MGA: variants seen among roughly 807,000 people sequenced by gnomAD.
The protein encoded by MGA is MAX gene-associated protein.
Under a neutral mutation model 261.1 loss-of-function variants are expected in MGA, and 40 were observed. The ratio of observed to expected loss-of-function variants is 0.15; its 90% CI spans 0.12 to 0.20. The LOEUF is 0.20. Ranked by LOEUF, MGA falls within the 10% of genes least tolerant of loss-of-function variation. The pLI is 1.00. For missense variants in MGA, 3,397 were observed against 3,630.5 expected (o/e 0.94, Z 1.65); for synonymous variants, 1,302 against 1,290.6 (o/e 1.01, Z -0.19).
intron 5 of MGA, among the ~76,000 whole-genome samples, chr15:41,705,311 G>A (rs2060050262): frequency 6.6e-6 from 1 of 151,358 alleles, no homozygotes; most frequent in Non-Finnish European, 1.5e-5. Flanking sequence ...TTTACCCTAT[G>A]CTACCTACTG....
chr15:41,671,717 G>A (rs1168988843), intron 2 of MGA, among the ~76,000 whole-genome samples: 2 of 152,092 alleles, frequency 1.3e-5, no homozygotes, highest in African/African-American at 4.8e-5. Flanking sequence ...TCCTTTTCTT[G>A]CTAAAATTGT....
intron 5 of MGA, among the ~76,000 whole-genome samples, chr15:41,701,450 A>G (rs2059848368): frequency 6.6e-6 from 1 of 152,162 alleles, no homozygotes; most frequent in African/African-American, 2.4e-5. Flanking sequence ...TTTTATAGAC[A>G]TCTTAGTCAA....
At chr15:41,629,347 G>A (rs1286436469) in intron 1 of MGA, among the ~76,000 whole-genome samples, 1 of 152,122 alleles carries the variant, frequency 6.6e-6, no homozygotes, top group South Asian at 2.1e-4. Context: ...TGGGAAACAG[G>A]AAGGAGCTAG....
At chr15:41,763,117 T>TTTTTG (rs1262376109) in intron 22 of MGA, among the ~76,000 whole-genome samples, 1 of 115,768 alleles carries the variant, frequency 8.6e-6, no homozygotes, top group Non-Finnish European at 1.9e-5. Context: ...TTTTTTTTTT[T>TTTTTG]GAGACAGAGT....
At chr15:41,686,794 GA>G (rs995678405) in intron 2 of MGA, among the ~76,000 whole-genome samples, 1 of 152,096 alleles carries the variant, frequency 6.6e-6, no homozygotes, top group Non-Finnish European at 1.5e-5. Context: ...ATTTAGAGGG[GA>G]GGGGTGATCT....
chr15:41,742,455 A>G (rs1015125346), intron 14 of MGA, 91 bp from the exon 15 acceptor site: 1 of 1,439,058 alleles, frequency 6.9e-7, no homozygotes, highest in Non-Finnish European at 9.4e-7. Flanking sequence ...AAATTGACCC[A>G]GTAGTGCACA....
At chr15:41,662,660 T>C (rs902060458) in intron 1 of MGA, among the ~76,000 whole-genome samples, 2 of 152,244 alleles carry the variant, frequency 1.3e-5, no homozygotes, top group East Asian at 3.8e-4. Flanking sequence ...TTGCTTTCAT[T>C]TTATTATATT....
intron 12 of MGA, among the ~76,000 whole-genome samples, chr15:41,735,020 G>A (rs1464775107): frequency 1.3e-5 from 2 of 152,222 alleles, no homozygotes; most frequent in African/African-American, 4.8e-5. Context: ...TTTGATGACA[G>A]GTAGTGGTCA....
chr15:41,699,752 G>A (rs201258068), intron 5 of MGA, among the ~76,000 whole-genome samples: 12 of 152,194 alleles, frequency 7.9e-5, no homozygotes, highest in East Asian at 5.8e-4. Context: ...CGCCCGCCTC[G>A]GCCTCCCAAT....
chr15:41,713,729 A>G (rs906839359), intron 9 of MGA, among the ~76,000 whole-genome samples: 1 of 152,130 alleles, frequency 6.6e-6, no homozygotes, highest in African/African-American at 2.4e-5. Flanking sequence ...AATTTAAATC[A>G]TACTGTTACT....
At chr15:41,724,120 T>A (rs1451273462) in intron 9 of MGA, among the ~76,000 whole-genome samples, 2 of 152,198 alleles carry the variant, frequency 1.3e-5, no homozygotes, top group African/African-American at 4.8e-5. Flanking sequence ...ATGTCTTGCT[T>A]GCCCTAAAGG....
chr15:41,726,587 G>A (rs1186736697), intron 9 of MGA, among the ~76,000 whole-genome samples: 1 of 151,982 alleles, frequency 6.6e-6, no homozygotes, highest in Non-Finnish European at 1.5e-5. Context: ...AAATTAGCCA[G>A]GTGTGGTGGC....
Position 41,750,285 on chromosome 15 carries a change from A to C in MGA, c.6678A>C (p.Gly2226=), listed in dbSNP as rs1274875758. Residue 2226 remains glycine (G), a synonymous_variant, in exon 17 of 24, where the codon GGA becomes GGC. Transcript: ENST00000219905. The stretch of plus-strand genomic sequence containing the variant: ...AACAAGGCATCTCTGACTTACTTGG[A>C]AAAAGTGGAATTACTGAAGATGCCA... The C allele has an allele frequency of 1.9e-6, 3 of 1,614,040 alleles. No individual in the cohort carries two copies. In the East Asian group the frequency reaches 6.7e-5, roughly 36 times the overall value.
chr15:41,708,092 T>C lies in MGA; in HGVS notation c.2321-12T>C. 1 of 1,553,638 alleles carries C rather than the reference T, an allele frequency of 6.4e-7. No homozygotes were observed. Among genetic ancestry groups the C allele is most frequent in the Non-Finnish European group, 8.7e-7 (1 of 1,151,538 alleles). ...AGAATTTTGGTCATCTGTTTGACTT[T>C]TTCTTTTATAGATGCGGGATTTCCC... On this transcript the variant is annotated splice_polypyrimidine_tract_variant and intron_variant, in intron 6 of 23. Coordinates refer to ENST00000219905, the MANE Select transcript of MGA (RefSeq NM_001164273.2).
intron 17 of MGA, 114 bp from the exon 18 acceptor site, chr15:41,754,323 G>A: frequency 4.4e-6 from 4 of 900,338 alleles, no homozygotes; most frequent in Non-Finnish European, 6.5e-6. Context: ...CAGTACTCAT[G>A]ATATAACATG....
At chr15:41,652,209 G>A (rs1368866427) in intron 1 of MGA, among the ~76,000 whole-genome samples, 1 of 149,826 alleles carries the variant, frequency 6.7e-6, no homozygotes, top group South Asian at 2.1e-4. Context: ...TCCTGAGCTC[G>A]TGATCCACCC....
In MGA at chr15:41,750,228, A is replaced by T. The variant is rs1164269956; in HGVS notation, c.6621A>T (p.Thr2207=). 6.2e-7 allele frequency: 1 copy of T among 1,613,804 alleles called. No individual in the cohort carries two copies. Among genetic ancestry groups the T allele is most frequent in the African/African-American group, 1.3e-5 (1 of 74,922 alleles). Residue 2207 remains threonine, a synonymous_variant, in exon 17 of 24, where the codon ACA becomes ACT. Transcript: ENST00000219905. Reference sequence around the variant, plus strand: ...AGCAGTTAATTAAAGAAACAAAGACATGTCAGGAAAATTCAGATGTGTTTC... The same window carrying T: ...AGCAGTTAATTAAAGAAACAAAGACTTGTCAGGAAAATTCAGATGTGTTTC...
chr15:41,762,460 G>GATTTTTT (rs1491528643), intron 22 of MGA, 98 bp downstream of exon 22: 4 of 190,268 alleles, frequency 2.1e-5, no homozygotes, highest in African/African-American at 1.7e-4. Flanking sequence ...AGTTTTGTGT[G>GATTTTTT]GTTTTTTTTT....
chr15:41,660,913 C>T (rs145673011), intron 1 of MGA, among the ~76,000 whole-genome samples: 305 of 152,308 alleles, frequency 2.0e-3, no homozygotes, highest in Non-Finnish European at 3.6e-3. Context: ...GCGCCGGGCT[C>T]TAGGTCGAGA....
Sources: gnomAD v4.1 joint callset for allele counts (sites outside exome capture counted in the v4.1 genomes callset) on GRCh38, gnomAD v4.1.1 for gene constraint, MANE v1.5 for transcripts, NCBI Gene and HGNC (gene_info 2026-07-23, HGNC 2026-07-21) for gene names.